The following CHST15 variants were observed in gnomAD, a reference collection of about 807,000 sequenced individuals.
CHST15 encodes carbohydrate sulfotransferase 15, also known as B cell RAG associated protein (GALNAC4S-6ST).
CHST15 carries 30 observed loss-of-function variants against 53.6 expected under a neutral mutation model. That is an observed-to-expected ratio of 0.56 (90% CI 0.42 to 0.76). The LOEUF is 0.76. CHST15 is among the 30% of genes least tolerant of loss of function. CHST15 has a pLI of 0.00. For missense variants in CHST15, 627 were observed against 740.5 expected, an observed-to-expected ratio of 0.85 and a Z score of 1.78; for synonymous variants, 296 against 289.8, an observed-to-expected ratio of 1.02 and a Z score of -0.22.
intron 3 of CHST15, among the ~76,000 whole-genome samples, chr10:124,043,699 T>C (rs1180186002): frequency 2.0e-5 from 3 of 152,120 alleles, no homozygotes; most frequent in East Asian, 1.9e-4. Context: ...GGATGGGCAG[T>C]GGTCATGGTA....
chr10:124,020,261 C>T, intron 6 of CHST15: 1 of 985,548 alleles, frequency 1.0e-6, no homozygotes, highest in Non-Finnish European at 1.2e-6. Context: ...AAGGCTGAGA[C>T]AACTGCCTAG....
chr10:124,093,132 C>T (rs752608812), intron 1 of CHST15, among the ~76,000 whole-genome samples: 2 of 152,300 alleles, frequency 1.3e-5, no homozygotes, highest in Middle Eastern at 3.4e-3. Flanking sequence ...GGACCAATGG[C>T]GAAGGGACTC....
intron 1 of CHST15, among the ~76,000 whole-genome samples, chr10:124,070,525 C>A (rs565994064): frequency 6.6e-6 from 1 of 152,088 alleles, no homozygotes. Context: ...ACTAAAGGTG[C>A]ACACCACCAT....
intron 4 of CHST15, among the ~76,000 whole-genome samples, chr10:124,039,348 C>T (rs1246311309): frequency 6.6e-6 from 1 of 152,178 alleles, no homozygotes; most frequent in Non-Finnish European, 1.5e-5. Context: ...GAGCCTGGAG[C>T]TGGTACTAGA....
rs116425429 is a variant in CHST15 at position 124,010,871 on chromosome 10, T to C, written c.1496-532A>G. 4,988 of 985,444 alleles carry C rather than the reference T, an allele frequency of 5.1e-3. 105 individuals are homozygous for C. The African/African-American group carries it at 0.055, about 11-fold the overall frequency. 61.0% of individuals were successfully genotyped at this position (985,444 alleles called of 1,614,324 possible). A position where few individuals can be genotyped will look rare whatever the true frequency, so the allele number is the denominator to read the frequency against. ...GGGAGGAGGGCTGGGAGGAGGCCAC[T>C]TGTGCCCAGAGCCCCCACTGGCTGA... is the stretch of plus-strand genomic sequence containing the variant. On this transcript the variant is annotated intron_variant, in intron 7 of 7. Coordinates refer to ENST00000435907, the MANE Select transcript of CHST15 (RefSeq NM_001270764.2).
chr10:124,021,294 C>A lies in CHST15; in HGVS notation c.1309G>T (p.Ala437Ser), dbSNP rs779887614. ...TTGAGGGTGTTGTTGTAGACGCAGG[C>A]GCGCAGTGAATAATCAAGCATGCAA... ...ENCMLDYSLR[A>S]CVYNNTLNNA... Residue 437 changes from alanine to serine, a missense_variant, in exon 6 of 8, where the codon GCC (alanine) becomes TCC (serine). Physicochemically the swap from Ala to Ser is moderately conservative, Grantham distance 99. Transcript: ENST00000435907. 6.2e-6 allele frequency: 10 copies of A among 1,611,686 alleles called. No individual in the cohort carries two copies. The African/African-American group carries it at 1.3e-4, about 22-fold the overall frequency.
At position 124,010,136 on chromosome 10, in the gene CHST15, A is replaced by G; in HGVS notation, c.*13T>C. On this transcript the variant is annotated 3_prime_UTR_variant, in exon 8 of 8. Coordinates refer to ENST00000435907, the MANE Select transcript of CHST15 (RefSeq NM_001270764.2). The stretch of plus-strand genomic sequence containing the variant: ...CATTGGCGGGCCCAGCACGTGCAGC[A>G]ACAATTCAGCTCTCACGTCGTCTTC... 6.2e-7 allele frequency: 1 copy of G among 1,612,282 alleles called. No individual in the cohort carries two copies. The highest frequency in any genetic ancestry group is 8.5e-7 in the Non-Finnish European group (1 of 1,180,014).
In CHST15 at chr10:124,044,659, G is replaced by T; in HGVS notation, c.807C>A (p.Leu269=). 6.2e-7 allele frequency: 1 copy of T among 1,611,814 alleles called. No homozygotes were observed. Among genetic ancestry groups the T allele is most frequent in the Non-Finnish European group, 8.5e-7 (1 of 1,178,758 alleles). ...IGQPKCGTTD[L]YDRLRLHPEV... is the part of the protein sequence containing the mutation. The stretch of plus-strand genomic sequence containing the variant: ...CAGGGTGCAGCCGCAGGCGGTCATA[G>T]AGGTCTGTGGTCCCGCACTTGGGCT... The change falls in exon 3 of 8, where the codon CTC becomes CTA. Residue 269 remains leucine, a synonymous_variant. Coordinates refer to ENST00000435907, the MANE Select transcript of CHST15 (RefSeq NM_001270764.2).
intron 7 of CHST15, 116 bp from the exon 8 acceptor site, chr10:124,010,455 A>C: frequency 7.1e-7 from 1 of 1,405,796 alleles, no homozygotes; most frequent in Non-Finnish European, 9.2e-7. Context: ...TTAAGAGAAC[A>C]TATTTAGGGA....
intron 5 of CHST15, among the ~76,000 whole-genome samples, chr10:124,022,975 A>G (rs1292550566): frequency 6.6e-6 from 1 of 150,446 alleles, no homozygotes; most frequent in Non-Finnish European, 1.5e-5. Flanking sequence ...TGCCCACCAA[A>G]CCTGGCTAAT....
In CHST15 at chr10:124,038,638, T is replaced by C. The variant is rs759527488; in HGVS notation, c.1067A>G (p.Asn356Ser). 1.2e-6 allele frequency: 2 copies of C among 1,613,998 alleles called. No individual in the cohort carries two copies. The highest frequency in any genetic ancestry group is 8.5e-7 in the Non-Finnish European group (1 of 1,180,018). ...EASASTMWDN[N>S]AWTFFYDNST... is the part of the protein sequence containing the mutation. ...GTTGTCGTAGAAGAACGTCCAGGCA[T>C]TATTATCCCACATCGTGGAGGCACT... is the stretch of plus-strand genomic sequence containing the variant. Residue 356 changes from asparagine (N) to serine (S), a missense_variant, in exon 5 of 8, where the codon AAT (asparagine) becomes AGT (serine). By Grantham distance (46) the Asn-to-Ser change is conservative. Coordinates refer to ENST00000435907, the MANE Select transcript of CHST15 (RefSeq NM_001270764.2).
intron 6 of CHST15, among the ~76,000 whole-genome samples, chr10:124,013,100 T>C (rs1946467338): frequency 6.6e-6 from 1 of 151,862 alleles, no homozygotes; most frequent in Admixed American, 6.5e-5. Flanking sequence ...AGCCGTGTGG[T>C]GAAGATTTAA....
In CHST15 at chr10:124,044,674, G is replaced by A; in HGVS notation, c.792C>T (p.Cys264=). 6.2e-7 allele frequency: 1 copy of A among 1,613,316 alleles called. No individual in the cohort carries two copies. The highest frequency in any genetic ancestry group is 8.5e-7 in the Non-Finnish European group (1 of 1,179,636). ...GGCGGTCATAGAGGTCTGTGGTCCC[G>A]CACTTGGGCTGCCCTATGATGTAGA... ...PHFYIIGQPK[C]GTTDLYDRLR... is the part of the protein sequence containing the mutation. Residue 264 remains cysteine (C), a synonymous_variant, in exon 3 of 8, where the codon TGC becomes TGT. Transcript: ENST00000435907.
intron 1 of CHST15, among the ~76,000 whole-genome samples, chr10:124,054,422 C>T (rs374329954): frequency 2.6e-5 from 4 of 152,316 alleles, no homozygotes; most frequent in East Asian, 3.9e-4. Flanking sequence ...ATGCATACAA[C>T]GTACATTCAA....
chr10:124,083,461 G>A (rs1011441373), intron 1 of CHST15, among the ~76,000 whole-genome samples: 2 of 152,038 alleles, frequency 1.3e-5, no homozygotes, highest in African/African-American at 4.8e-5. Context: ...AAGATCCCTG[G>A]ATTTTCTATT....
chr10:124,083,055 T>C (rs1949302514), intron 1 of CHST15, among the ~76,000 whole-genome samples: 1 of 152,244 alleles, frequency 6.6e-6, no homozygotes, highest in Non-Finnish European at 1.5e-5. Flanking sequence ...AAACATGGAA[T>C]TGTATACTTT....
chr10:124,032,400 T>A (rs993094332), intron 5 of CHST15, among the ~76,000 whole-genome samples: 1 of 152,146 alleles, frequency 6.6e-6, no homozygotes, highest in Non-Finnish European at 1.5e-5. Context: ...AGATGGTACA[T>A]GACCCCACTC....
intron 5 of CHST15, among the ~76,000 whole-genome samples, chr10:124,029,699 C>G (rs1947148230): frequency 6.6e-6 from 1 of 152,250 alleles, no homozygotes. Context: ...TGGCGGGCTA[C>G]CCCTGGTTAT....
At position 124,045,041 on chromosome 10, in the gene CHST15, CA is replaced by C. The variant is rs1431867570; in HGVS notation, c.547-123del. 1.4e-5 allele frequency: 5 copies of C among 366,338 alleles called. 1 individual carries two copies. Among genetic ancestry groups the C allele is most frequent in the Admixed American group, 7.0e-5 (1 of 14,236 alleles). 22.7% of individuals were successfully genotyped at this position (366,338 alleles called of 1,614,324 possible). ...TGTTCAAATTTGAACTAATATTTGA[CA>C]ATGATTAACAAATAAAGCAAAACTT... On this transcript the variant is annotated intron_variant, in intron 2 of 7. Coordinates refer to ENST00000435907, the MANE Select transcript of CHST15 (RefSeq NM_001270764.2).
Sources: allele counts gnomAD v4.1 joint callset (sites outside exome capture counted in the v4.1 genomes callset), GRCh38; gene constraint gnomAD v4.1.1; transcripts MANE v1.5; gene names NCBI Gene and HGNC (gene_info 2026-07-23, HGNC 2026-07-21).